PSAP: variants seen among roughly 807,000 people sequenced by gnomAD.
The protein encoded by PSAP is prosaposin.
In PSAP, 25 loss-of-function variants were observed where a neutral mutation model predicts 66.0. The ratio of observed to expected loss-of-function variants is 0.38; its 90% CI spans 0.28 to 0.53. The LOEUF (loss-of-function observed/expected upper bound fraction) is 0.53, where lower values mean the gene tolerates loss of function less well. Among genes scored for constraint, PSAP ranks in the 20% least tolerant of loss-of-function variants. PSAP has a pLI of 0.83. For synonymous variants in PSAP, 273 were observed against 258.9 expected (o/e 1.05, Z -0.52); for missense variants, 649 against 668.8 (o/e 0.97, Z 0.33).
At chr10:71,820,098 G>A (rs1220070564) in intron 9 of PSAP, 142 bp downstream of exon 9, 1 of 922,212 alleles carries the variant, frequency 1.1e-6, no homozygotes, top group Non-Finnish European at 1.8e-6. Context: ...CCACTGGTGA[G>A]GATTGCCTTC....
At chr10:71,826,972 G>T (rs1372838332) in intron 6 of PSAP, among the ~76,000 whole-genome samples, 4 of 152,114 alleles carry the variant, frequency 2.6e-5, no homozygotes, top group African/African-American at 9.7e-5. Context: ...CTAAGTAAGG[G>T]GCCAAGAAAA....
chr10:71,824,316 G>A (rs1337943926), intron 7 of PSAP, among the ~76,000 whole-genome samples: 4 of 152,204 alleles, frequency 2.6e-5, no homozygotes, highest in African/African-American at 9.6e-5. Flanking sequence ...CAAGACACAG[G>A]GCTGCCCAAG....
intron 1 of PSAP, among the ~76,000 whole-genome samples, chr10:71,842,113 C>T (rs895635910): frequency 3.3e-5 from 5 of 152,120 alleles, no homozygotes; most frequent in East Asian, 1.9e-4. Flanking sequence ...TCCAAAACGC[C>T]GAGCATCCCA....
intron 1 of PSAP, chr10:71,844,813 T>C (rs1176891756): frequency 6.6e-6 from 1 of 152,190 alleles, no homozygotes; most frequent in Non-Finnish European, 1.5e-5. Flanking sequence ...ATTTTCAACA[T>C]AGAAAAACCT....
At position 71,833,032 on chromosome 10, in the gene PSAP, C is replaced by CA. The variant is rs1220122223; in HGVS notation, c.175-1113dup. ...AGTCCATCTCAAAAAAAAAAAAAAA[C>CA]AAAAAACAAAAACAGAAGGCCGGGC... On this transcript the variant is annotated intron_variant, in intron 2 of 13. Coordinates refer to ENST00000394936, the MANE Select transcript of PSAP (RefSeq NM_002778.4). Among the ~76,000 whole-genome samples, 5 of 95,392 alleles carry CA rather than the reference C, an allele frequency of 5.2e-5. 1 individual carries two copies. The highest frequency in any genetic ancestry group is 1.4e-4 in the African/African-American group (3 of 21,622). The allele number at this position is 95,392 out of a possible 152,430, so 62.6% of individuals were successfully genotyped here. A position where few individuals can be genotyped will look rare whatever the true frequency, so the allele number is the denominator to read the frequency against.
intron 1 of PSAP, among the ~76,000 whole-genome samples, chr10:71,846,231 G>A (rs767593522): frequency 2.6e-5 from 4 of 152,012 alleles, no homozygotes; most frequent in African/African-American, 7.2e-5. Flanking sequence ...AAGGTCGTAC[G>A]GCTACTGTCA....
At chr10:71,835,774 T>C (rs1163512652) in intron 1 of PSAP, among the ~76,000 whole-genome samples, 1 of 144,526 alleles carries the variant, frequency 6.9e-6, no homozygotes, top group Admixed American at 7.1e-5. Context: ...CTCAGTAGGG[T>C]TGAACAAACT....
At chr10:71,822,219 G>C in intron 7 of PSAP, 1 of 630,960 alleles carries the variant, frequency 1.6e-6, no homozygotes, top group Non-Finnish European at 2.8e-6. Flanking sequence ...ATCTCGGGGA[G>C]GAGACCACAC....
At position 71,821,741 on chromosome 10, in the gene PSAP, T is replaced by C. The variant is rs1304469644; in HGVS notation, c.909+135A>G. 3 of 1,209,598 alleles carry C rather than the reference T, an allele frequency of 2.5e-6. No individual in the cohort carries two copies. The East Asian group carries it at 7.5e-5, about 30-fold the overall frequency. The allele number at this position is 1,209,598 out of a possible 1,614,324, so 74.9% of individuals were successfully genotyped here. On this transcript the variant is annotated intron_variant, in intron 8 of 13. Transcript: ENST00000394936. ...TATAGGGGATAGGATAAACCAGTGA[T>C]CACAAACTCAAAGACCTTTAGGAGC...
chr10:71,821,765 G>C, intron 8 of PSAP, 111 bp downstream of exon 8: 1 of 1,448,154 alleles, frequency 6.9e-7, no homozygotes, highest in Non-Finnish European at 9.6e-7. Context: ...ACCTTTAGGA[G>C]CCAGGCAGGG....
At position 71,831,899 on chromosome 10, in the gene PSAP, ATAT is replaced by A; in HGVS notation, c.193_195del (p.Ile65del). 1 of 1,614,088 alleles carries A rather than the reference ATAT, an allele frequency of 6.2e-7. No individual in the cohort carries two copies. Among genetic ancestry groups the A allele is most frequent in the Non-Finnish European group, 8.5e-7 (1 of 1,180,020 alleles). On this transcript the variant is annotated inframe_deletion, in exon 3 of 14. Coordinates refer to ENST00000394936, the MANE Select transcript of PSAP (RefSeq NM_002778.4). Reference sequence around the variant, plus strand: ...CCAGCTGCGGTGACAACGTCTTTGCATATGTCGCAGGGAAGGGATTTCTAAGAG... The same window carrying A: ...CCAGCTGCGGTGACAACGTCTTTGCAGTCGCAGGGAAGGGATTTCTAAGAG...
At position 71,819,871 on chromosome 10, in the gene PSAP, C is replaced by T. The variant is rs545307941; in HGVS notation, c.1035G>A (p.Met345Ile). Residue 345 changes from methionine (M) to isoleucine (I), a missense_variant, in exon 10 of 14, where the codon ATG (methionine) becomes ATA (isoleucine). Met to Ile is a conservative substitution (Grantham distance 10). Coordinates refer to ENST00000394936, the MANE Select transcript of PSAP (RefSeq NM_002778.4). ...EKEILDAFDKMCSKLPKSLSE... is the reference protein window; with the variant it reads ...EKEILDAFDKICSKLPKSLSE... ...ACAGGGACTTCGGCAGCTTCGAGCA[C>T]ATTTTGTCAAAAGCGTCGAGTATTT... The T allele has an allele frequency of 8.7e-6, 14 of 1,614,038 alleles. No individual in the cohort carries two copies. The Admixed American group carries it at 1.5e-4, about 17-fold the overall frequency.
intron 1 of PSAP, among the ~76,000 whole-genome samples, chr10:71,839,428 CA>C (rs1842689572): frequency 6.6e-6 from 1 of 151,948 alleles, no homozygotes; most frequent in Admixed American, 6.6e-5. Flanking sequence ...TTAGTAGAGA[CA>C]GGGTTTTGCC....
chr10:71,822,364 T>G (rs545493111), intron 7 of PSAP, among the ~76,000 whole-genome samples: 7 of 152,312 alleles, frequency 4.6e-5, no homozygotes, highest in Non-Finnish European at 1.0e-4. Context: ...AGGTAGGAAC[T>G]AAGCTATGCT....
At chr10:71,821,792 T>C in intron 8 of PSAP, 84 bp downstream of exon 8, 1 of 1,583,340 alleles carries the variant, frequency 6.3e-7, no homozygotes, top group Non-Finnish European at 8.7e-7. Flanking sequence ...AAGAAACAAG[T>C]GACTCGTAAG....
intron 3 of PSAP, 100 bp from the exon 4 acceptor site, chr10:71,831,351 G>T: frequency 1.3e-6 from 2 of 1,502,470 alleles, no homozygotes; most frequent in Non-Finnish European, 1.8e-6. Context: ...GAAAAACCAA[G>T]CCTGGAAAAC....
At position 71,833,908 on chromosome 10, in the gene PSAP, G is replaced by A. The variant is rs994773065; in HGVS notation, c.174+464C>T. Among the ~76,000 whole-genome samples the A allele has an allele frequency of 3.3e-5, 5 of 152,234 alleles. 1 individual carries two copies. Among genetic ancestry groups the A allele is most frequent in the Non-Finnish European group, 7.3e-5 (5 of 68,030 alleles). ...TTTGCCTGTTTGAGAGGAGTGAGGA[G>A]AGAACAAAATATGAAACAGGCAGAA... is the stretch of plus-strand genomic sequence containing the variant. On this transcript the variant is annotated intron_variant, in intron 2 of 13. Transcript: ENST00000394936.
At chr10:71,842,716 T>C (rs374944833) in intron 1 of PSAP, among the ~76,000 whole-genome samples, 1 of 152,104 alleles carries the variant, frequency 6.6e-6, no homozygotes, top group Non-Finnish European at 1.5e-5. Context: ...ATCACCTACA[T>C]AGAACCCTCC....
At chr10:71,836,274 A>G (rs1176994523) in intron 1 of PSAP, among the ~76,000 whole-genome samples, 2 of 152,222 alleles carry the variant, frequency 1.3e-5, no homozygotes, top group Non-Finnish European at 2.9e-5. Flanking sequence ...CAAGCTCCCC[A>G]GATGGCTCAC....
Sources: allele counts gnomAD v4.1 joint callset (sites outside exome capture counted in the v4.1 genomes callset), GRCh38; gene constraint gnomAD v4.1.1; transcripts MANE v1.5; gene names NCBI Gene and HGNC (gene_info 2026-07-23, HGNC 2026-07-21).